The following PRRC2A variants were observed in gnomAD, a reference collection of about 807,000 sequenced individuals.
PRRC2A encodes the protein proline rich coiled-coil 2A, also known as protein PRRC2A.
A neutral mutation model predicts 224.6 loss-of-function variants in PRRC2A; 59 were observed. The observed-to-expected ratio is 0.26, with a 90% CI of 0.21 to 0.33. The LOEUF (loss-of-function observed/expected upper bound fraction) is 0.33. Ranked by LOEUF, PRRC2A falls within the 10% of genes least tolerant of loss-of-function variation. PRRC2A has a pLI of 1.00. For synonymous variants in PRRC2A, 1,194 were observed against 1,109.5 expected (o/e 1.08, Z -1.51); for missense variants, 3,095 against 2,880.7 (o/e 1.07, Z -1.70).
rs778741801 is a variant in PRRC2A, at chr6:31,632,439, C to T, written c.3766C>T (p.Arg1256Cys). ...GRAQQQDKPP[R>C]FRRLKQEREN... Reference sequence around the variant, plus strand: ...GGCTCAGCAGCAGGATAAACCGCCTCGTTTCCGGAGGCTGAAGCAGGAACG... The same window carrying T: ...GGCTCAGCAGCAGGATAAACCGCCTTGTTTCCGGAGGCTGAAGCAGGAACG... Residue 1256 changes from arginine (R) to cysteine (C), a missense_variant, in exon 16 of 31, where the codon CGT becomes TGT. By Grantham distance (180) the Arg-to-Cys change is radical. Transcript: ENST00000376033. 1.2e-6 allele frequency: 2 copies of T among 1,604,864 alleles called. No homozygotes were observed. The highest frequency in any genetic ancestry group is 8.5e-7 in the Non-Finnish European group (1 of 1,174,562).
Position 31,636,815 on chromosome 6 carries a change from C to T in PRRC2A, c.6017C>T (p.Pro2006Leu). The T allele has an allele frequency of 5.6e-6, 9 of 1,611,180 alleles. No individual in the cohort carries two copies. The highest frequency in any genetic ancestry group is 7.6e-6 in the Non-Finnish European group (9 of 1,180,006). ...CCAGCACCACCTCCTGCCCCACCTC[C>T]CCTTTCTCTGTTACCTGTGGGCCCT... The part of the protein sequence containing the change: ...LPPAPPPAPP[P>L]LSLLPVGPAL... The change falls in exon 28 of 31, where the codon CCC (proline) becomes CTC (leucine). Residue 2006 changes from proline (P) to leucine (L), a missense_variant. Physicochemically the swap from Pro to Leu is moderately conservative, Grantham distance 98 (BLOSUM62 -3). This residue lies in a region of PRRC2A where 662 missense variants were observed against 609.5 expected (regional missense o/e 1.09). Coordinates refer to ENST00000376033, the MANE Select transcript of PRRC2A (RefSeq NM_004638.4). The surrounding 1 kb of genome is among the most constrained non-coding windows in gnomAD (Gnocchi z 4.3).
At position 31,627,253 on chromosome 6, in the gene PRRC2A, C is replaced by A; in HGVS notation, c.1290+55C>A. Reference sequence around the variant, plus strand: ...GTCAGCTGTGGGAAATTGGTGTCAGCTGAGTAATTGAAGCGGTTGTGATAT... The same window carrying A: ...GTCAGCTGTGGGAAATTGGTGTCAGATGAGTAATTGAAGCGGTTGTGATAT... On this transcript the variant is annotated intron_variant, in intron 11 of 30. Coordinates refer to ENST00000376033, the MANE Select transcript of PRRC2A (RefSeq NM_004638.4). This position sits in a 1 kb window ranked among gnomAD's most constrained non-coding sequence, Gnocchi z 5.6. The A allele has an allele frequency of 7.7e-7, 1 of 1,306,356 alleles. No individual in the cohort carries two copies. The highest frequency in any genetic ancestry group is 1.1e-6 in the Non-Finnish European group (1 of 926,704). 80.9% of individuals were successfully genotyped at this position (1,306,356 alleles called of 1,614,324 possible). A position where few individuals can be genotyped will look rare whatever the true frequency, so the allele number is the denominator to read the frequency against.
chr6:31,632,188 G>A lies in PRRC2A; in HGVS notation c.3515G>A (p.Arg1172Gln), dbSNP rs748540814. The A allele has an allele frequency of 1.2e-5, 19 of 1,601,358 alleles. No homozygotes were observed. The highest frequency in any genetic ancestry group is 2.7e-5 in the African/African-American group (2 of 74,236). ...TPRGVPSRRGRGGGRPPPQVC... is the reference protein window; with the variant it reads ...TPRGVPSRRGQGGGRPPPQVC... ...AGAGGGGTGCCATCTCGCCGGGGCC[G>A]AGGAGGAGGGAGGCCCCCTCCTCAA... The change falls in exon 16 of 31, where the codon CGA becomes CAA. Residue 1172 changes from arginine to glutamine, a missense_variant. Around this residue, in one of 8 missense-constraint regions of PRRC2A, gnomAD observed 2,001 missense variants for 1,764.9 expected, o/e 1.13. Coordinates refer to ENST00000376033, the MANE Select transcript of PRRC2A (RefSeq NM_004638.4).
chr6:31,632,672 G>A lies in PRRC2A; in HGVS notation c.3999G>A (p.Glu1333=), dbSNP rs1335459383. The A allele has an allele frequency of 6.2e-7, 1 of 1,613,144 alleles. No homozygotes were observed. The highest frequency in any genetic ancestry group is 8.5e-7 in the Non-Finnish European group (1 of 1,180,046). ...CAGAGAGCAGTGACTTCACCAGTGA[G>A]CGCCGAGGGGACAAAGAGGCACCCC... The part of the protein sequence containing the change: ...TASESSDFTS[E]RRGDKEAPPP... Residue 1333 remains glutamate, a synonymous_variant, in exon 16 of 31, where the codon GAG becomes GAA. Transcript: ENST00000376033.
In PRRC2A at chr6:31,627,321, G is replaced by A; in HGVS notation, c.1290+123G>A. The A allele has an allele frequency of 1.4e-6, 1 of 703,398 alleles. No homozygotes were observed. The highest frequency in any genetic ancestry group is 1.9e-5 in the South Asian group (1 of 53,374). 43.6% of individuals were successfully genotyped at this position (703,398 alleles called of 1,614,324 possible). ...AAAAATGGGCTGTGTGAAGTGCCAG[G>A]CTGCAGAACATCCTGGGAAGCTTTT... On this transcript the variant is annotated intron_variant, in intron 11 of 30. Coordinates refer to ENST00000376033, the MANE Select transcript of PRRC2A (RefSeq NM_004638.4). The surrounding 1 kb of genome is among the most constrained non-coding windows in gnomAD (Gnocchi z 5.6).
At position 31,631,054 on chromosome 6, in the gene PRRC2A, C is replaced by A; in HGVS notation, c.2466-85C>A. The A allele has an allele frequency of 7.5e-7, 1 of 1,340,534 alleles. No homozygotes were observed. The highest frequency in any genetic ancestry group is 1.0e-6 in the Non-Finnish European group (1 of 981,086). The allele number at this position is 1,340,534 out of a possible 1,614,324, so 83.0% of individuals were successfully genotyped here. ...AAACAGAAAAATAGTAAAAGAGAGT[C>A]TGCATCATAATAAAGTGTTCTTTTC... is the stretch of plus-strand genomic sequence containing the variant. On this transcript the variant is annotated intron_variant, in intron 15 of 30. Transcript: ENST00000376033. This position sits in a 1 kb window ranked among gnomAD's most constrained non-coding sequence, Gnocchi z 4.5.
At chr6:31,622,352 C>G (rs549834987) in intron 1 of PRRC2A, among the ~76,000 whole-genome samples, 2 of 152,156 alleles carry the variant, frequency 1.3e-5, no homozygotes, top group African/African-American at 2.4e-5. Context: ...TTAGTTTTCT[C>G]TTGCTTGAAT....
At position 31,622,718 on chromosome 6, in the gene PRRC2A, G is replaced by T. The variant is rs990771552; in HGVS notation, c.-72G>T. ...ACAGAGACTGAGACACTTGCTGTCTGGCCCACAGGCTCTGGCACGTTTTGG... is the reference window on the plus strand; with the variant it reads ...ACAGAGACTGAGACACTTGCTGTCTTGCCCACAGGCTCTGGCACGTTTTGG... On this transcript the variant is annotated 5_prime_UTR_variant, in exon 2 of 31. Coordinates refer to ENST00000376033, the MANE Select transcript of PRRC2A (RefSeq NM_004638.4). 7.2e-6 allele frequency: 8 copies of T among 1,106,656 alleles called. No homozygotes were observed. The highest frequency in any genetic ancestry group is 7.1e-5 in the East Asian group (3 of 42,536). The allele number at this position is 1,106,656 out of a possible 1,614,324, so 68.6% of individuals were successfully genotyped here.
chr6:31,637,486 G>T lies in PRRC2A; in HGVS notation c.6374G>T (p.Trp2125Leu). 1 of 1,573,688 alleles carries T rather than the reference G, an allele frequency of 6.4e-7. No individual in the cohort carries two copies. Among genetic ancestry groups the T allele is most frequent in the Non-Finnish European group, 8.6e-7 (1 of 1,159,384 alleles). The change falls in exon 31 of 31, where the codon TGG becomes TTG. Residue 2125 changes from tryptophan to leucine, a missense_variant. Trp to Leu is a moderately conservative substitution (Grantham distance 61, BLOSUM62 -2). Coordinates refer to ENST00000376033, the MANE Select transcript of PRRC2A (RefSeq NM_004638.4). ...GCCCTGCGCTGGATACCTAAGCCTT[G>T]GGAGCGGACAGGGCCGCCACCTCGA... ...PDALRWIPKPWERTGPPPREG... is the reference protein window; with the variant it reads ...PDALRWIPKPLERTGPPPREG...
chr6:31,629,184 A>G lies in PRRC2A; in HGVS notation c.1806A>G (p.Pro602=). ...QLPSKEGPEP[P]EEVPPPTTPP... is the part of the protein sequence containing the mutation. The stretch of plus-strand genomic sequence containing the variant: ...CCTCAAAAGAGGGTCCTGAACCACC[A>G]GAAGAGGTTCCTCCTCCTACCACAC... Residue 602 remains proline (P), a synonymous_variant, in exon 13 of 31, where the codon CCA becomes CCG. Transcript: ENST00000376033. The G allele has an allele frequency of 6.2e-7, 1 of 1,614,140 alleles. No homozygotes were observed. Among genetic ancestry groups the G allele is most frequent in the Non-Finnish European group, 8.5e-7 (1 of 1,180,012 alleles).
intron 5 of PRRC2A, chr6:31,624,834 T>TGAC (rs966094660): frequency 1.2e-5 from 6 of 514,656 alleles, no homozygotes; most frequent in Non-Finnish European, 2.1e-5. Flanking sequence ...AGTCTCATTC[T>TGAC]GTCACCCAGG....
Position 31,624,996 on chromosome 6 carries a change from T to C in PRRC2A, c.464-175T>C, listed in dbSNP as rs1775736787. 1.7e-5 allele frequency: 12 copies of C among 693,084 alleles called. No homozygotes were observed. In the South Asian group the frequency reaches 2.2e-4, roughly 13 times the overall value. 42.9% of individuals were successfully genotyped at this position (693,084 alleles called of 1,614,324 possible). ...GTGTGTTTTTAGTAGAGATGGGGTTTCACATGTTGGCCAGGATGGTCTCGA... is the reference window on the plus strand; with the variant it reads ...GTGTGTTTTTAGTAGAGATGGGGTTCCACATGTTGGCCAGGATGGTCTCGA... On this transcript the variant is annotated intron_variant, in intron 5 of 30. Transcript: ENST00000376033.
chr6:31,637,299 C>T lies in PRRC2A; in HGVS notation c.6308C>T (p.Thr2103Ile), dbSNP rs116521315. ...TPSTYSGVFR[T>I]QRVDLYQQAS... ...TCCACCTACAGTGGAGTCTTCCGCA[C>T]CCAGCGCGTCGACCTTTACCAGCAG... The change falls in exon 30 of 31, where the codon ACC (threonine) becomes ATC (isoleucine). Residue 2103 changes from threonine to isoleucine, a missense_variant. By Grantham distance (89) the Thr-to-Ile change is moderately conservative. Coordinates refer to ENST00000376033, the MANE Select transcript of PRRC2A (RefSeq NM_004638.4). 9.3e-6 allele frequency: 15 copies of T among 1,612,406 alleles called. No homozygotes were observed. The East Asian group carries it at 2.7e-4, about 29-fold the overall frequency.
rs1776067603 is a variant in PRRC2A at position 31,627,685 on chromosome 6, C to T, written c.1291-80C>T. 2.6e-6 allele frequency: 4 copies of T among 1,523,702 alleles called. No homozygotes were observed. Among genetic ancestry groups the T allele is most frequent in the Non-Finnish European group, 2.7e-6 (3 of 1,130,876 alleles). 94.4% of individuals were successfully genotyped at this position (1,523,702 alleles called of 1,614,324 possible). Reference sequence around the variant, plus strand: ...GGTCGTTGCATCCTGCAAGTAGCGACAGTTGATTTGTTGTAAAAGAGATGA... The same window carrying T: ...GGTCGTTGCATCCTGCAAGTAGCGATAGTTGATTTGTTGTAAAAGAGATGA... On this transcript the variant is annotated intron_variant, in intron 11 of 30. Transcript: ENST00000376033. The surrounding 1 kb of genome is among the most constrained non-coding windows in gnomAD (Gnocchi z 5.6).
At chr6:31,622,953 G>C (rs372068243) in intron 2 of PRRC2A, 52 bp downstream of exon 2, 4 of 1,432,200 alleles carry the variant, frequency 2.8e-6, no homozygotes, top group Non-Finnish European at 3.9e-6. Context: ...GCATGCATGG[G>C]GCATACGTTT....
rs376546611 is a variant in PRRC2A, at chr6:31,630,675, G to A, written c.2339G>A (p.Arg780Gln). 19 of 1,613,978 alleles carry A rather than the reference G, an allele frequency of 1.2e-5. No homozygotes were observed. The highest frequency in any genetic ancestry group is 1.1e-4 in the African/African-American group (8 of 74,878). The stretch of plus-strand genomic sequence containing the variant: ...CATGCACCTGCTATGTTACGGGAAC[G>A]GGGCACTCCACCGGTGGATCCAAAG... ...DRHAPAMLRE[R>Q]GTPPVDPKLA... The change falls in exon 15 of 31, where the codon CGG becomes CAG. Residue 780 changes from arginine to glutamine, a missense_variant. By Grantham distance (43) the Arg-to-Gln change is conservative. Transcript: ENST00000376033.
In PRRC2A at chr6:31,631,978, G is replaced by T. The variant is rs750488741; in HGVS notation, c.3305G>T (p.Arg1102Leu). ...TATGAGGAAATCCCCAAGCGGCGCCGGCAGCGGGGCTCAGAAACAGGCAGC... is the reference window on the plus strand; with the variant it reads ...TATGAGGAAATCCCCAAGCGGCGCCTGCAGCGGGGCTCAGAAACAGGCAGC... ...SEYEEIPKRR[R>L]QRGSETGSET... The change falls in exon 16 of 31, where the codon CGG (arginine) becomes CTG (leucine). Residue 1102 changes from arginine (R) to leucine (L), a missense_variant. Around this residue, in one of 8 missense-constraint regions of PRRC2A, gnomAD observed 2,001 missense variants for 1,764.9 expected, o/e 1.13. Coordinates refer to ENST00000376033, the MANE Select transcript of PRRC2A (RefSeq NM_004638.4). This position sits in a 1 kb window ranked among gnomAD's most constrained non-coding sequence, Gnocchi z 4.5. 2 of 1,612,602 alleles carry T rather than the reference G, an allele frequency of 1.2e-6. No homozygotes were observed. Among genetic ancestry groups the T allele is most frequent in the East Asian group, 2.2e-5 (1 of 44,844 alleles).
At chr6:31,633,337 A>G (rs774901007) in intron 16 of PRRC2A, 42 bp from the exon 17 acceptor site, 13 of 1,577,166 alleles carry the variant, frequency 8.2e-6, no homozygotes, top group Admixed American at 1.8e-5. Flanking sequence ...GGAAAAAGTA[A>G]CGATTTAGTG....
Position 31,633,001 on chromosome 6 carries a change from GAACA to G in PRRC2A, c.4319+16_4319+19del, listed in dbSNP as rs779465074. 1.6e-5 allele frequency: 24 copies of G among 1,528,114 alleles called. No individual in the cohort carries two copies. In the East Asian group the frequency reaches 2.6e-4, roughly 16 times the overall value. 94.7% of individuals were successfully genotyped at this position (1,528,114 alleles called of 1,614,324 possible). A position where few individuals can be genotyped will look rare whatever the true frequency, so the allele number is the denominator to read the frequency against. ...TCTCCCAAGAACCGAAGGTGGGTAG[GAACA>G]AACAAATTTATTGTGGTTTAAAAAT... On this transcript the variant is annotated intron_variant, in intron 16 of 30. Coordinates refer to ENST00000376033, the MANE Select transcript of PRRC2A (RefSeq NM_004638.4).
Sources: allele counts gnomAD v4.1 joint callset (sites outside exome capture counted in the v4.1 genomes callset), GRCh38; gene constraint gnomAD v4.1.1; regional missense constraint gnomAD v4.1.1; non-coding constraint Gnocchi (gnomAD v3.1); transcripts MANE v1.5; gene names NCBI Gene and HGNC (gene_info 2026-07-23, HGNC 2026-07-21).